Variants in CNOT6 observed in about 807,000 individuals in gnomAD.
The protein encoded by CNOT6 is CCR4-NOT transcription complex subunit 6.
Under a neutral mutation model 61.2 loss-of-function variants are expected in CNOT6, and 12 were observed. The observed-to-expected ratio is 0.20, with a 90% CI of 0.13 to 0.32. The LOEUF (loss-of-function observed/expected upper bound fraction) is 0.32, where lower values mean the gene tolerates loss of function less well. CNOT6 is among the 10% of genes least tolerant of loss of function. The pLI, the probability that CNOT6 is intolerant of heterozygous loss-of-function variation, is 1.00. For missense variants in CNOT6, 405 were observed against 663.9 expected, an observed-to-expected ratio of 0.61 and a Z score of 4.28; for synonymous variants, 225 against 240.6, an observed-to-expected ratio of 0.94 and a Z score of 0.60.
At chr5:180,500,358 TGCCTCG>T (rs1448397950) in intron 1 of CNOT6, among the ~76,000 whole-genome samples, 1 of 152,104 alleles carries the variant, frequency 6.6e-6, no homozygotes, top group Non-Finnish European at 1.5e-5. Flanking sequence ...GCAGTCCTCC[TGCCTCG>T]GCCTCCCAAA....
intron 3 of CNOT6, among the ~76,000 whole-genome samples, chr5:180,551,045 A>C (rs779205644): frequency 4.6e-5 from 7 of 152,268 alleles, no homozygotes; most frequent in Admixed American, 2.0e-4. Context: ...ACTGTGTTTT[A>C]AGAAATGGTA....
intron 1 of CNOT6, among the ~76,000 whole-genome samples, chr5:180,519,954 C>A (rs1262466049): frequency 2.6e-5 from 4 of 151,882 alleles, no homozygotes; most frequent in African/African-American, 9.7e-5. Flanking sequence ...CTGCCTTAGC[C>A]CCTTGAGTAG....
intron 11 of CNOT6, among the ~76,000 whole-genome samples, chr5:180,571,653 C>T (rs1760754458): frequency 6.6e-6 from 1 of 152,160 alleles, no homozygotes; most frequent in Non-Finnish European, 1.5e-5. Context: ...GCAGCTTCAA[C>T]CATGCCGGCT....
chr5:180,543,632 A>G (rs1272573018), intron 2 of CNOT6, among the ~76,000 whole-genome samples: 2 of 152,226 alleles, frequency 1.3e-5, no homozygotes, highest in Non-Finnish European at 2.9e-5. Context: ...TGATGGGGCA[A>G]AGACGACTCA....
At chr5:180,509,131 A>ATT (rs941744548) in intron 1 of CNOT6, among the ~76,000 whole-genome samples, 1 of 150,428 alleles carries the variant, frequency 6.6e-6, no homozygotes, top group Admixed American at 6.6e-5. Flanking sequence ...ATTTTATTTT[A>ATT]TTTTTATTTT....
At chr5:180,551,358 A>G (rs993550051) in intron 3 of CNOT6, among the ~76,000 whole-genome samples, 4 of 151,888 alleles carry the variant, frequency 2.6e-5, no homozygotes, top group African/African-American at 7.3e-5. Context: ...CCCTGTCTCT[A>G]CCCTCCTCCC....
intron 1 of CNOT6, among the ~76,000 whole-genome samples, chr5:180,511,777 AT>A (rs965279282): frequency 2.6e-5 from 4 of 152,062 alleles, no homozygotes; most frequent in Admixed American, 6.6e-5. Flanking sequence ...GAAAAAAAAA[AT>A]AATTTTAAAA....
At chr5:180,572,730 A>AT (rs1760814295) in intron 11 of CNOT6, among the ~76,000 whole-genome samples, 1 of 150,938 alleles carries the variant, frequency 6.6e-6, no homozygotes, top group Non-Finnish European at 1.5e-5. Flanking sequence ...TTTTTTGGTA[A>AT]TTTTTTGTAA....
chr5:180,541,772 T>G (rs1037188218), intron 2 of CNOT6, among the ~76,000 whole-genome samples: 2 of 150,770 alleles, frequency 1.3e-5, no homozygotes, highest in Admixed American at 6.7e-5. Flanking sequence ...TTTTTTTTTT[T>G]GGTATTTTTT....
intron 4 of CNOT6, among the ~76,000 whole-genome samples, chr5:180,560,934 G>C (rs1219987397): frequency 7.6e-6 from 1 of 132,084 alleles, no homozygotes; most frequent in Non-Finnish European, 1.6e-5. Flanking sequence ...GGTGGTGGTG[G>C]TGTTGGTCTG....
At chr5:180,566,201 A>G (rs574486619) in intron 7 of CNOT6, among the ~76,000 whole-genome samples, 1 of 152,308 alleles carries the variant, frequency 6.6e-6, no homozygotes, top group East Asian at 1.9e-4. Context: ...CATGACCGCT[A>G]AATACTCACC....
rs945431075 is a variant in CNOT6 at position 180,494,424 on chromosome 5, A to T, written c.-342A>T. The T allele has an allele frequency of 1.3e-5, 2 of 153,824 alleles. No individual in the cohort carries two copies. The highest frequency in any genetic ancestry group is 3.5e-4 in the South Asian group (2 of 5,674). 9.5% of individuals were successfully genotyped at this position (153,824 alleles called of 1,614,324 possible). A position where few individuals can be genotyped will look rare whatever the true frequency, so the allele number is the denominator to read the frequency against. ...ATGATGCTTGTTTGCTTTCAATGAA[A>T]ACGAGGGGGGCGCGGAGGAGGAGGC... On this transcript the variant is annotated 5_prime_UTR_variant, in exon 1 of 12. Coordinates refer to ENST00000261951, the MANE Select transcript of CNOT6 (RefSeq NM_001370472.1).
intron 2 of CNOT6, among the ~76,000 whole-genome samples, chr5:180,530,958 T>C (rs1758332671): frequency 6.6e-6 from 1 of 152,252 alleles, no homozygotes; most frequent in Non-Finnish European, 1.5e-5. Context: ...GTCTCCCATG[T>C]CTACTTCTTT....
intron 1 of CNOT6, among the ~76,000 whole-genome samples, chr5:180,504,811 C>A (rs1757047376): frequency 6.6e-6 from 1 of 152,064 alleles, no homozygotes; most frequent in Non-Finnish European, 1.5e-5. Context: ...AAATAGTTTT[C>A]ATTAAAATGT....
In CNOT6 at chr5:180,544,877, T is replaced by TG. The variant is rs138481782; in HGVS notation, c.113-5053dup. Among the ~76,000 whole-genome samples, 1,473 of 152,276 alleles carry TG rather than the reference T, an allele frequency of 9.7e-3. 13 individuals carry two copies. Among genetic ancestry groups the TG allele is most frequent in the Middle Eastern group, 0.024 (7 of 294 alleles). ...GGGAAGCTGAAGCAGGAGGATCACG[T>TG]GAGCCTAGGAGTTAAAGGCTACTGT... On this transcript the variant is annotated intron_variant, in intron 2 of 11. Coordinates refer to ENST00000261951, the MANE Select transcript of CNOT6 (RefSeq NM_001370472.1).
chr5:180,572,108 C>G (rs1044715124), intron 11 of CNOT6, among the ~76,000 whole-genome samples: 1 of 152,136 alleles, frequency 6.6e-6, no homozygotes, highest in East Asian at 1.9e-4. Context: ...TGTTCCTTCT[C>G]TTACATTTTA....
chr5:180,559,940 T>A (rs2127755740), intron 4 of CNOT6, among the ~76,000 whole-genome samples: 1 of 151,858 alleles, frequency 6.6e-6, no homozygotes, highest in South Asian at 2.1e-4. Flanking sequence ...AGAATCACAT[T>A]AGTTTTATGA....
intron 2 of CNOT6, among the ~76,000 whole-genome samples, chr5:180,530,196 C>T (rs904276320): frequency 1.3e-5 from 2 of 152,074 alleles, no homozygotes; most frequent in Non-Finnish European, 2.9e-5. Flanking sequence ...TTCACCTGAC[C>T]GCCCTTGATT....
In CNOT6 at chr5:180,576,701, C is replaced by G. The variant is rs1019812179; in HGVS notation, c.*2501C>G. The G allele has an allele frequency of 6.6e-5, 10 of 152,190 alleles. No homozygotes were observed. In the South Asian group the frequency reaches 2.1e-3, roughly 32 times the overall value. The allele number at this position is 152,190 out of a possible 1,614,324, so 9.4% of individuals were successfully genotyped here. On this transcript the variant is annotated 3_prime_UTR_variant, in exon 12 of 12. Coordinates refer to ENST00000261951, the MANE Select transcript of CNOT6 (RefSeq NM_001370472.1). ...GGTCTGTAGGTAATGAACAGTCACA[C>G]CAAAATAGACTATGATGCTTTTGTT...
Sources: gnomAD v4.1 joint callset for allele counts (sites outside exome capture counted in the v4.1 genomes callset) on GRCh38, gnomAD v4.1.1 for gene constraint, MANE v1.5 for transcripts, NCBI Gene and HGNC (gene_info 2026-07-23, HGNC 2026-07-21) for gene names.